The following ELF2 variants were observed in gnomAD, a reference collection of about 807,000 sequenced individuals.
ELF2 encodes the protein ETS-related transcription factor Elf-2.
ELF2 carries 11 observed loss-of-function variants against 54.8 expected under a neutral mutation model. That is an observed-to-expected ratio of 0.20 (90% CI 0.13 to 0.33). The LOEUF is 0.33. Among genes scored for constraint, ELF2 ranks in the 10% least tolerant of loss-of-function variants. ELF2 has a pLI of 1.00. For synonymous variants in ELF2, 203 were observed against 245.1 expected, an observed-to-expected ratio of 0.83 and a Z score of 1.61; for missense variants, 513 against 703.0, an observed-to-expected ratio of 0.73 and a Z score of 3.06.
chr4:139,166,916 G>A (rs1295107318), intron 1 of ELF2, among the ~76,000 whole-genome samples: 1 of 152,136 alleles, frequency 6.6e-6, no homozygotes, highest in Non-Finnish European at 1.5e-5. Flanking sequence ...ATGTTTTTAT[G>A]ACTTTTATTT....
chr4:139,128,875 C>G (rs1371424049), intron 3 of ELF2, among the ~76,000 whole-genome samples: 1 of 152,158 alleles, frequency 6.6e-6, no homozygotes, highest in Non-Finnish European at 1.5e-5. Context: ...TCTACTGCCT[C>G]CCCGCAGACT....
chr4:139,129,897 C>G (rs1419325265), intron 3 of ELF2, among the ~76,000 whole-genome samples: 1 of 152,134 alleles, frequency 6.6e-6, no homozygotes, highest in African/African-American at 2.4e-5. Context: ...CTTTAACACT[C>G]TGAAATATAA....
intron 5 of ELF2, 53 bp from the exon 6 acceptor site, chr4:139,072,092 A>G: frequency 3.2e-6 from 5 of 1,557,076 alleles, no homozygotes; most frequent in Non-Finnish European, 4.4e-6. Flanking sequence ...AATGTTTCTT[A>G]TGTGGACAGT....
intron 4 of ELF2, among the ~76,000 whole-genome samples, chr4:139,086,273 A>G (rs1214026424): frequency 6.6e-6 from 1 of 152,142 alleles, no homozygotes; most frequent in Non-Finnish European, 1.5e-5. Flanking sequence ...TGGTACCTTG[A>G]GCATGTTTAG....
Position 139,060,356 on chromosome 4 carries a change from G to GGTA in ELF2, c.1122_1124dup (p.Thr376dup). ...CTGCTGTTGCTGACACAGATGCAGT[G>GGTA]GTAGTAGGAGACCTGGATGAAGCAT... On this transcript the variant is annotated inframe_insertion, in exon 9 of 10. Coordinates refer to ENST00000686138, the MANE Select transcript of ELF2 (RefSeq NM_001331036.3). 6.2e-7 allele frequency: 1 copy of GGTA among 1,612,704 alleles called. No homozygotes were observed.
chr4:139,146,765 T>C (rs760961540), intron 1 of ELF2, among the ~76,000 whole-genome samples: 2 of 151,916 alleles, frequency 1.3e-5, no homozygotes. Flanking sequence ...AAAACATAAA[T>C]TGGGGAAAGG....
intron 4 of ELF2, among the ~76,000 whole-genome samples, chr4:139,103,176 G>A (rs1659215499): frequency 6.6e-6 from 1 of 152,216 alleles, no homozygotes; most frequent in South Asian, 2.1e-4. Context: ...TTCTAGCTGT[G>A]ATATTGTGAA....
intron 6 of ELF2, among the ~76,000 whole-genome samples, chr4:139,071,242 G>A (rs982465640): frequency 1.3e-5 from 2 of 151,818 alleles, no homozygotes; most frequent in African/African-American, 4.8e-5. Flanking sequence ...TATAATAAAT[G>A]TGAATATTGT....
chr4:139,173,078 T>C (rs1187998383), intron 1 of ELF2, among the ~76,000 whole-genome samples: 1 of 151,620 alleles, frequency 6.6e-6, no homozygotes. Flanking sequence ...TAAAAGCAAA[T>C]GGATTAAGAC....
At position 139,059,599 on chromosome 4, in the gene ELF2, C is replaced by A. The variant is rs751339276; in HGVS notation, c.1166G>T (p.Arg389Leu). The change falls in exon 10 of 10, where the codon CGT becomes CTT. Residue 389 changes from arginine to leucine, a missense_variant. Coordinates refer to ENST00000686138, the MANE Select transcript of ELF2 (RefSeq NM_001331036.3). Reference protein sequence around the residue: ...VSATAAPRTVRVAMQVPVVMT... With the variant: ...VSATAAPRTVLVAMQVPVVMT... Reference sequence around the variant, plus strand: ...TACAACAGGTACCTGCATTGCCACACGAACTGTCCTAGTACATTAGAAAGA... The same window carrying A: ...TACAACAGGTACCTGCATTGCCACAAGAACTGTCCTAGTACATTAGAAAGA... The A allele has an allele frequency of 6.2e-7, 1 of 1,610,468 alleles. No homozygotes were observed. Among genetic ancestry groups the A allele is most frequent in the African/African-American group, 1.3e-5 (1 of 75,008 alleles).
At chr4:139,160,108 C>T (rs1297699197) in intron 1 of ELF2, among the ~76,000 whole-genome samples, 3 of 152,116 alleles carry the variant, frequency 2.0e-5, no homozygotes, top group East Asian at 1.9e-4. Context: ...GAGGCCAAGG[C>T]GGGCAGATCA....
rs777129331 is a variant in ELF2 at position 139,137,716 on chromosome 4, G to A, written c.-15C>T. The A allele has an allele frequency of 2.2e-5, 35 of 1,613,674 alleles. No individual in the cohort carries two copies. The South Asian group carries it at 3.0e-4, about 14-fold the overall frequency. On this transcript the variant is annotated 5_prime_UTR_variant, in exon 3 of 10. Transcript: ENST00000686138. ...GCTGATGTCATTGTTATTCCCTGAGGAAGCTTCAAACGCTATTAATCAATG... is the reference window on the plus strand; with the variant it reads ...GCTGATGTCATTGTTATTCCCTGAGAAAGCTTCAAACGCTATTAATCAATG...
intron 4 of ELF2, among the ~76,000 whole-genome samples, chr4:139,107,586 T>C (rs1414305643): frequency 1.3e-5 from 2 of 151,932 alleles, no homozygotes; most frequent in East Asian, 3.9e-4. Flanking sequence ...CTAATAACTA[T>C]AGTTAAAAGA....
At chr4:139,092,387 CAT>C (rs1732707311) in intron 4 of ELF2, among the ~76,000 whole-genome samples, 1 of 119,902 alleles carries the variant, frequency 8.3e-6, no homozygotes, top group African/African-American at 3.0e-5. Context: ...CATAACATAA[CAT>C]AACATAACAT....
At chr4:139,066,077 A>C (rs1332555916) in intron 7 of ELF2, 1 of 143,240 alleles carries the variant, frequency 7.0e-6, no homozygotes, top group Non-Finnish European at 1.5e-5. Flanking sequence ...TACTGGAGAC[A>C]ATTTTTTTTA....
chr4:139,115,381 C>G (rs1455521103), intron 4 of ELF2: 8 of 1,043,488 alleles, frequency 7.7e-6, no homozygotes, highest in Non-Finnish European at 9.2e-6. Flanking sequence ...CCATGGCGGC[C>G]GCCGGGGCCA....
At chr4:139,098,080 C>T (rs952867139) in intron 4 of ELF2, among the ~76,000 whole-genome samples, 2 of 152,218 alleles carry the variant, frequency 1.3e-5, no homozygotes, top group African/African-American at 4.8e-5. Context: ...AACTGACATA[C>T]ATAACTAAAA....
At position 139,059,364 on chromosome 4, in the gene ELF2, A is replaced by C; in HGVS notation, c.1401T>G (p.Leu467=). 1 of 1,613,970 alleles carries C rather than the reference A, an allele frequency of 6.2e-7. No homozygotes were observed. Among genetic ancestry groups the C allele is most frequent in the Non-Finnish European group, 8.5e-7 (1 of 1,179,858 alleles). ...ACTTTGTCTGCAGTTGACACTGTGC[A>C]AGCTGTGTAGCTGGGATGGTAATAA... ...AKIITIPATQ[L]AQCQLQTKSN... Residue 467 remains leucine, a synonymous_variant, in exon 10 of 10, where the codon CTT becomes CTG. Coordinates refer to ENST00000686138, the MANE Select transcript of ELF2 (RefSeq NM_001331036.3).
At chr4:139,087,345 C>T (rs1732081430) in intron 4 of ELF2, among the ~76,000 whole-genome samples, 1 of 152,214 alleles carries the variant, frequency 6.6e-6, no homozygotes, top group Admixed American at 6.5e-5. Context: ...CAACTCCTTG[C>T]CTCAAGCAAT....
Sources: gnomAD v4.1 joint callset for allele counts (sites outside exome capture counted in the v4.1 genomes callset) on GRCh38, gnomAD v4.1.1 for gene constraint, MANE v1.5 for transcripts, NCBI Gene and HGNC (gene_info 2026-07-23, HGNC 2026-07-21) for gene names.